FAM193A: variants seen among roughly 807,000 people sequenced by gnomAD.
The protein encoded by FAM193A is family with sequence similarity 193 member A.
Under a neutral mutation model 126.5 loss-of-function variants are expected in FAM193A, and 22 were observed. The ratio of observed to expected loss-of-function variants is 0.17; its 90% CI spans 0.12 to 0.25. The LOEUF (loss-of-function observed/expected upper bound fraction) is 0.25. FAM193A is among the 10% of genes least tolerant of loss of function. The pLI, the probability that FAM193A is intolerant of heterozygous loss-of-function variation, is 1.00. For synonymous variants in FAM193A, 761 were observed against 646.8 expected (o/e 1.18, Z -2.68); for missense variants, 1,675 against 1,672.8 (o/e 1.00, Z -0.02).
intron 1 of FAM193A, among the ~76,000 whole-genome samples, chr4:2,595,216 T>C (rs1740791262): frequency 6.6e-6 from 1 of 152,054 alleles, no homozygotes; most frequent in African/African-American, 2.4e-5. Flanking sequence ...GCCTGGCTAA[T>C]AGTTGGATTT....
rs372329678 is a variant in FAM193A, at chr4:2,710,874, CAG to C, written c.4373-5146_4373-5145del. Among the ~76,000 whole-genome samples, 333 of 117,736 alleles carry C rather than the reference CAG, an allele frequency of 2.8e-3. 1 individual carries two copies. Among genetic ancestry groups the C allele is most frequent in the African/African-American group, 9.6e-3 (292 of 30,506 alleles). The allele number at this position is 117,736 out of a possible 152,430, so 77.2% of individuals were successfully genotyped here. On this transcript the variant is annotated intron_variant, in intron 19 of 20. Coordinates refer to ENST00000637812, the MANE Select transcript of FAM193A (RefSeq NM_001366318.2). ...TTCTTTTTTTTTTTTTTTTTTGAGA[CAG>C]AGTCTCGCTCTTTCGCCCAGGCTGG...
intron 1 of FAM193A, among the ~76,000 whole-genome samples, chr4:2,549,388 TTTTTTTC>T (rs1737763926): frequency 6.8e-6 from 1 of 147,306 alleles, no homozygotes; most frequent in Non-Finnish European, 1.5e-5. Context: ...CTATGTTTTC[TTTTTTTC>T]TTTTTTTTTT....
intron 1 of FAM193A, among the ~76,000 whole-genome samples, chr4:2,585,795 G>A (rs941494572): frequency 6.6e-6 from 1 of 152,184 alleles, no homozygotes; most frequent in Non-Finnish European, 1.5e-5. Flanking sequence ...GGGTGTGGTG[G>A]CGGGCACCTG....
intron 1 of FAM193A, among the ~76,000 whole-genome samples, chr4:2,583,106 G>A (rs1246188177): frequency 1.3e-5 from 2 of 152,154 alleles, no homozygotes; most frequent in African/African-American, 4.8e-5. Context: ...GTAGCTGCAG[G>A]CACCTGCCAC....
At chr4:2,606,039 A>C (rs1741526184) in intron 2 of FAM193A, among the ~76,000 whole-genome samples, 1 of 132,912 alleles carries the variant, frequency 7.5e-6, no homozygotes, top group African/African-American at 2.8e-5. Context: ...TATATTTTGC[A>C]AACCTCTTTT....
intron 4 of FAM193A, among the ~76,000 whole-genome samples, chr4:2,629,054 G>A (rs1015014570): frequency 2.6e-5 from 4 of 151,858 alleles, no homozygotes; most frequent in Non-Finnish European, 2.9e-5. Context: ...GGGTTTCACC[G>A]TGTTAGCCAG....
chr4:2,574,287 A>G (rs141938887), intron 1 of FAM193A, among the ~76,000 whole-genome samples: 1 of 152,210 alleles, frequency 6.6e-6, no homozygotes, highest in East Asian at 1.9e-4. Context: ...AGTGGAGCAC[A>G]GGTAGAGACT....
Position 2,689,710 on chromosome 4 carries a change from G to A in FAM193A, c.2530+6G>A. The A allele has an allele frequency of 1.3e-6, 2 of 1,561,378 alleles. No homozygotes were observed. Among genetic ancestry groups the A allele is most frequent in the Non-Finnish European group, 1.7e-6 (2 of 1,159,102 alleles). ...CTTGCCAGATACAATTTCTGGTAAG[G>A]AATTTGTTAAAACTTTCTTGAAGTT... On this transcript the variant is annotated splice_donor_region_variant and intron_variant, in intron 14 of 20. Transcript: ENST00000637812.
intron 20 of FAM193A, among the ~76,000 whole-genome samples, chr4:2,716,684 ATTTTAT>A (rs979195259): frequency 3.3e-5 from 5 of 152,144 alleles, no homozygotes; most frequent in African/African-American, 1.2e-4. Flanking sequence ...AATTTTATTT[ATTTTAT>A]TTTTAAGAGG....
rs1254077797 is a variant in FAM193A, at chr4:2,689,519, C to G, written c.2345C>G (p.Ala782Gly). ...TTTTTTTTGTAGGCTTTACCGCCAG[C>G]ACCTGTTCAGAATCACACAAATAAG... The part of the protein sequence containing the change: ...PFTHSKALPP[A>G]PVQNHTNKHQ... Residue 782 changes from alanine (A) to glycine (G), a missense_variant, in exon 14 of 21, where the codon GCA becomes GGA. Around this residue, in one of 4 missense-constraint regions of FAM193A, gnomAD observed 1,186 missense variants for 1,109.2 expected, o/e 1.07. Coordinates refer to ENST00000637812, the MANE Select transcript of FAM193A (RefSeq NM_001366318.2). The G allele has an allele frequency of 6.5e-7, 1 of 1,549,554 alleles. No homozygotes were observed. Among genetic ancestry groups the G allele is most frequent in the Admixed American group, 2.4e-5 (1 of 41,838 alleles).
At chr4:2,611,352 T>A (rs957017825) in intron 2 of FAM193A, among the ~76,000 whole-genome samples, 1 of 152,126 alleles carries the variant, frequency 6.6e-6, no homozygotes, top group African/African-American at 2.4e-5. Flanking sequence ...CACTGCAGCC[T>A]CCACCTCCCA....
intron 17 of FAM193A, 49 bp downstream of exon 17, chr4:2,695,178 C>G (rs753190602): frequency 1.4e-6 from 2 of 1,467,230 alleles, no homozygotes; most frequent in Non-Finnish European, 1.8e-6. Flanking sequence ...GTGCAACACA[C>G]GGGCTCCTTT....
chr4:2,639,876 C>A lies in FAM193A; in HGVS notation c.1163+17C>A. The A allele has an allele frequency of 1.2e-6, 2 of 1,610,314 alleles. No homozygotes were observed. The highest frequency in any genetic ancestry group is 8.5e-7 in the Non-Finnish European group (1 of 1,177,676). ...ACAGATCAGGTATTTTGCCTTAACC[C>A]GTATGTGTCTTTGTGGTGTGACAGC... On this transcript the variant is annotated intron_variant, in intron 6 of 20. Transcript: ENST00000637812.
chr4:2,646,306 G>T (rs1296325821), intron 6 of FAM193A, among the ~76,000 whole-genome samples: 2 of 151,400 alleles, frequency 1.3e-5, no homozygotes, highest in South Asian at 2.1e-4. Flanking sequence ...AGTAGCTGGG[G>T]CTATGAGTGC....
At chr4:2,564,383 A>C (rs1738806242) in intron 1 of FAM193A, among the ~76,000 whole-genome samples, 1 of 152,028 alleles carries the variant, frequency 6.6e-6, no homozygotes, top group South Asian at 2.1e-4. Context: ...ACCCCTGGCC[A>C]GGAGCATGTA....
intron 1 of FAM193A, among the ~76,000 whole-genome samples, chr4:2,589,456 T>C (rs956523894): frequency 2.6e-5 from 4 of 152,252 alleles, no homozygotes; most frequent in Non-Finnish European, 4.4e-5. Flanking sequence ...AAAACTGTTA[T>C]ATTAGCTATT....
intron 12 of FAM193A, among the ~76,000 whole-genome samples, chr4:2,663,689 G>A (rs145293617): frequency 0.026 from 3,904 of 152,208 alleles, 182 homozygotes; most frequent in African/African-American, 0.089. Flanking sequence ...GTTTTTGGCC[G>A]GGCGCAGTGG....
chr4:2,609,993 A>G (rs1160334568), intron 2 of FAM193A, among the ~76,000 whole-genome samples: 1 of 151,410 alleles, frequency 6.6e-6, no homozygotes, highest in African/African-American at 2.4e-5. Flanking sequence ...GCATTTTGGG[A>G]GGCCGAGGCA....
At chr4:2,678,753 T>C (rs1265140804) in intron 13 of FAM193A, among the ~76,000 whole-genome samples, 3 of 152,262 alleles carry the variant, frequency 2.0e-5, no homozygotes, top group Non-Finnish European at 4.4e-5. Context: ...GACATGCAGC[T>C]GATTTTTGAG....
Sources: allele counts gnomAD v4.1 joint callset (sites outside exome capture counted in the v4.1 genomes callset), GRCh38; gene constraint gnomAD v4.1.1; regional missense constraint gnomAD v4.1.1; transcripts MANE v1.5; gene names NCBI Gene and HGNC (gene_info 2026-07-23, HGNC 2026-07-21).